The following FGF14 variants were observed in gnomAD, a reference collection of about 807,000 sequenced individuals.
The protein encoded by FGF14 is fibroblast growth factor homologous factor 4.
Under a neutral mutation model 25.5 loss-of-function variants are expected in FGF14, and 5 were observed. The observed-to-expected ratio is 0.20, with a 90% confidence interval of 0.10 to 0.41. The LOEUF (loss-of-function observed/expected upper bound fraction) is 0.41, where lower values mean the gene tolerates loss of function less well. Among genes scored for constraint, FGF14 ranks in the 10% least tolerant of loss-of-function variants. FGF14 has a pLI of 1.00. For synonymous variants in FGF14, 138 were observed against 118.3 expected (o/e 1.17, Z -1.08); for missense variants, 222 against 320.1 (o/e 0.69, Z 2.34).
intron 1 of FGF14, among the ~76,000 whole-genome samples, chr13:102,274,772 T>G (rs1401416054): frequency 6.6e-6 from 1 of 152,034 alleles, no homozygotes. Flanking sequence ...TAACCCATAT[T>G]CTGGTTATGT....
chr13:101,850,351 G>A (rs1217192879), intron 3 of FGF14, among the ~76,000 whole-genome samples: 2 of 144,910 alleles, frequency 1.4e-5, no homozygotes, highest in African/African-American at 5.1e-5. Flanking sequence ...CTCCTCGGGA[G>A]GCTGAGATAG....
intron 1 of FGF14, among the ~76,000 whole-genome samples, chr13:102,099,699 T>C (rs2044568563): frequency 6.6e-6 from 1 of 152,140 alleles, no homozygotes; most frequent in Non-Finnish European, 1.5e-5. Flanking sequence ...AAAACATCTC[T>C]TATTTGTTAA....
At chr13:101,739,759 G>C (rs758026568) in intron 3 of FGF14, among the ~76,000 whole-genome samples, 1 of 152,062 alleles carries the variant, frequency 6.6e-6, no homozygotes, top group Non-Finnish European at 1.5e-5. Context: ...AGAGAGAGAC[G>C]CTCTCATATT....
intron 1 of FGF14, among the ~76,000 whole-genome samples, chr13:102,156,595 T>C (rs1048890054): frequency 2.0e-5 from 3 of 152,186 alleles, no homozygotes; most frequent in African/African-American, 7.2e-5. Context: ...CTTTGAAAAC[T>C]GGCACAAGAC....
intron 3 of FGF14, among the ~76,000 whole-genome samples, chr13:101,850,440 C>A (rs368494432): frequency 7.9e-4 from 80 of 101,772 alleles, no homozygotes; most frequent in African/African-American, 2.9e-3. Flanking sequence ...GGAAACAGGG[C>A]GAGACTCTGT....
chr13:101,817,568 A>T (rs1378646945), intron 3 of FGF14, among the ~76,000 whole-genome samples: 7 of 152,240 alleles, frequency 4.6e-5, no homozygotes, highest in African/African-American at 9.6e-5. Flanking sequence ...TTTGCAATAT[A>T]GTCTTTGAAA....
chr13:102,010,220 TTTATA>T (rs1449829352), intron 1 of FGF14, among the ~76,000 whole-genome samples: 1 of 152,172 alleles, frequency 6.6e-6, no homozygotes, highest in African/African-American at 2.4e-5. Flanking sequence ...CACAGTGGGT[TTTATA>T]TTATATAACA....
chr13:102,169,290 C>T (rs1000324113), intron 1 of FGF14, among the ~76,000 whole-genome samples: 2 of 152,022 alleles, frequency 1.3e-5, no homozygotes, highest in Non-Finnish European at 1.5e-5. Flanking sequence ...GATTTCCACG[C>T]GGTTTCCAAT....
At chr13:102,041,513 G>A (rs2041734288) in intron 1 of FGF14, among the ~76,000 whole-genome samples, 1 of 133,470 alleles carries the variant, frequency 7.5e-6, no homozygotes. Context: ...TGATTTAATG[G>A]TAAGTGAATT....
At position 101,720,521 on chromosome 13, in the gene FGF14, G is replaced by GTGTT. The variant is rs1278281835; in HGVS notation, c.*2306_*2309dup. 7.0e-6 allele frequency: 1 copy of GTGTT among 142,256 alleles called. No individual in the cohort carries two copies. Among genetic ancestry groups the GTGTT allele is most frequent in the South Asian group, 2.3e-4 (1 of 4,340 alleles). The allele number at this position is 142,256 out of a possible 1,614,324, so 8.8% of individuals were successfully genotyped here. A position where few individuals can be genotyped will look rare whatever the true frequency, so the allele number is the denominator to read the frequency against. ...AATTATCAGTAACAAATAGATGGGG[G>GTGTT]TGTTTGCTCTGTGTGTGTGTGTGTG... is the stretch of plus-strand genomic sequence containing the variant. On this transcript the variant is annotated 3_prime_UTR_variant, in exon 5 of 5. Coordinates refer to ENST00000376143, the MANE Select transcript of FGF14 (RefSeq NM_004115.4).
chr13:102,037,598 C>G (rs2041537318), intron 1 of FGF14, among the ~76,000 whole-genome samples: 1 of 152,164 alleles, frequency 6.6e-6, no homozygotes, highest in Non-Finnish European at 1.5e-5. Context: ...GGGGAAAGAT[C>G]ATGAAAAGGA....
intron 1 of FGF14, among the ~76,000 whole-genome samples, chr13:101,876,268 G>A (rs114441763): frequency 1.4e-3 from 210 of 152,310 alleles, no homozygotes; most frequent in African/African-American, 4.8e-3. Context: ...CTCAGGGATA[G>A]ATTGGATGTG....
intron 1 of FGF14, among the ~76,000 whole-genome samples, chr13:102,106,120 A>G (rs2044898604): frequency 6.6e-6 from 1 of 152,204 alleles, no homozygotes; most frequent in African/African-American, 2.4e-5. Flanking sequence ...TTATTCCCAG[A>G]TAAACATATT....
intron 3 of FGF14, among the ~76,000 whole-genome samples, chr13:101,735,942 A>T (rs1252308627): frequency 6.6e-6 from 1 of 152,232 alleles, no homozygotes; most frequent in African/African-American, 2.4e-5. Flanking sequence ...ATCAAGAGAA[A>T]GTGCTTCCAT....
chr13:101,728,341 T>G (rs1313104367), intron 3 of FGF14, among the ~76,000 whole-genome samples: 1 of 152,024 alleles, frequency 6.6e-6, no homozygotes, highest in Non-Finnish European at 1.5e-5. Context: ...GATCTTTATT[T>G]CTTCTTGATG....
chr13:101,850,617 T>C (rs113027026), intron 3 of FGF14, among the ~76,000 whole-genome samples: 10,359 of 137,912 alleles, frequency 0.075, 1,436 homozygotes, highest in African/African-American at 0.27. Flanking sequence ...ATAGCATATA[T>C]ATTCTATATA....
intron 1 of FGF14, among the ~76,000 whole-genome samples, chr13:102,103,113 G>A (rs968440075): frequency 1.3e-5 from 2 of 152,148 alleles, no homozygotes; most frequent in Non-Finnish European, 2.9e-5. Context: ...GAGGGAGAGA[G>A]AGAAAAACAA....
At chr13:102,230,042 A>T (rs1320061318) in intron 1 of FGF14, among the ~76,000 whole-genome samples, 1 of 152,142 alleles carries the variant, frequency 6.6e-6, no homozygotes, top group African/African-American at 2.4e-5. Context: ...CCCCAAGGTG[A>T]TGGTATTAGG....
intron 3 of FGF14, among the ~76,000 whole-genome samples, chr13:101,858,227 C>CT (rs1043104756): frequency 4.5e-5 from 4 of 88,368 alleles, no homozygotes; most frequent in Non-Finnish European, 1.0e-4. Context: ...GAATAATTAT[C>CT]TTAAAAAAAA....
Sources: gnomAD v4.1 joint callset for allele counts (sites outside exome capture counted in the v4.1 genomes callset) on GRCh38, gnomAD v4.1.1 for gene constraint, MANE v1.5 for transcripts, NCBI Gene and HGNC (gene_info 2026-07-23, HGNC 2026-07-21) for gene names.